The following HSPBAP1 variants were observed in gnomAD, a reference collection of about 807,000 sequenced individuals.
The protein encoded by HSPBAP1 is HSPB1-associated protein 1.
In HSPBAP1, 27 loss-of-function variants were observed where a neutral mutation model predicts 45.2. The ratio of observed to expected loss-of-function variants is 0.60; its 90% CI spans 0.44 to 0.82. The LOEUF is 0.82. Among genes scored for constraint, HSPBAP1 ranks in the 40% least tolerant of loss-of-function variants. HSPBAP1 has a pLI of 0.00. For missense variants in HSPBAP1, 510 were observed against 590.9 expected (o/e 0.86, Z 1.42); for synonymous variants, 204 against 202.7 (o/e 1.01, Z -0.06).
intron 1 of HSPBAP1, among the ~76,000 whole-genome samples, chr3:122,792,800 G>A (rs1935874248): frequency 6.6e-6 from 1 of 151,936 alleles, no homozygotes; most frequent in South Asian, 2.1e-4. Flanking sequence ...GAACCTGGGA[G>A]GTGGAGGTTG....
chr3:122,759,474 GA>G, intron 3 of HSPBAP1, 114 bp from the exon 4 acceptor site: 1 of 1,153,100 alleles, frequency 8.7e-7, no homozygotes, highest in Non-Finnish European at 1.2e-6. Context: ...TTCTATTATG[GA>G]AAATGCTACA....
chr3:122,784,350 CAAAT>C (rs1257213368), intron 1 of HSPBAP1, among the ~76,000 whole-genome samples: 2 of 152,138 alleles, frequency 1.3e-5, no homozygotes, highest in Non-Finnish European at 2.9e-5. Context: ...TTTACTGTAA[CAAAT>C]AATTAATCAT....
chr3:122,759,367 T>A lies in HSPBAP1; in HGVS notation c.433-7A>T. ...AGTCAGACCATTTCACATCCTGTTT[T>A]GAAATAAAGTTGCAATCCATCAAGA... On this transcript the variant is annotated splice_region_variant and splice_polypyrimidine_tract_variant and intron_variant, in intron 3 of 7. Transcript: ENST00000306103. 1 of 1,611,360 alleles carries A rather than the reference T, an allele frequency of 6.2e-7. No individual in the cohort carries two copies. The highest frequency in any genetic ancestry group is 1.1e-5 in the South Asian group (1 of 91,036).
At chr3:122,762,411 T>A (rs1934624897) in intron 3 of HSPBAP1, among the ~76,000 whole-genome samples, 1 of 152,018 alleles carries the variant, frequency 6.6e-6, no homozygotes, top group African/African-American at 2.4e-5. Flanking sequence ...AGAACCTGTA[T>A]CCATGGAATT....
At chr3:122,759,568 C>A (rs2107513501) in intron 3 of HSPBAP1, among the ~76,000 whole-genome samples, 1 of 152,298 alleles carries the variant, frequency 6.6e-6, no homozygotes. Flanking sequence ...TAATAGTAAT[C>A]ATTCAACAAA....
intron 4 of HSPBAP1, among the ~76,000 whole-genome samples, chr3:122,757,740 C>G (rs1934405595): frequency 6.6e-6 from 1 of 152,184 alleles, no homozygotes; most frequent in African/African-American, 2.4e-5. Context: ...TGTCTTATTA[C>G]AAAGTTAAAA....
intron 6 of HSPBAP1, among the ~76,000 whole-genome samples, chr3:122,749,671 C>T (rs553588718): frequency 3.3e-5 from 5 of 152,148 alleles, no homozygotes; most frequent in East Asian, 3.9e-4. Flanking sequence ...TGCAATGGCG[C>T]GATCTCAGCT....
At chr3:122,790,483 T>C (rs1935790757) in intron 1 of HSPBAP1, among the ~76,000 whole-genome samples, 1 of 152,222 alleles carries the variant, frequency 6.6e-6, no homozygotes, top group South Asian at 2.1e-4. Context: ...ATGTGTATCA[T>C]ATTGAGTATC....
intron 6 of HSPBAP1, among the ~76,000 whole-genome samples, chr3:122,745,323 A>G (rs971063173): frequency 1.3e-5 from 2 of 152,186 alleles, no homozygotes; most frequent in Non-Finnish European, 2.9e-5. Flanking sequence ...ACAAAAATCA[A>G]TAGCTATCAT....
At chr3:122,757,012 C>G (rs1024377189) in intron 4 of HSPBAP1, among the ~76,000 whole-genome samples, 2 of 152,178 alleles carry the variant, frequency 1.3e-5, no homozygotes, top group South Asian at 2.1e-4. Flanking sequence ...GGATTCAGAG[C>G]TAGGTCACAG....
At chr3:122,750,486 A>G (rs915348867) in intron 6 of HSPBAP1, among the ~76,000 whole-genome samples, 1 of 151,866 alleles carries the variant, frequency 6.6e-6, no homozygotes, top group Admixed American at 6.6e-5. Context: ...TATTTTTTAA[A>G]CACATGAATT....
At chr3:122,793,541 G>C (rs1560179903) in intron 1 of HSPBAP1, 76 bp downstream of exon 1, 9 of 1,332,018 alleles carry the variant, frequency 6.8e-6, no homozygotes, top group Non-Finnish European at 8.6e-6. Context: ...TAAGGCAAAC[G>C]GCCCCACGAG....
chr3:122,760,516 A>G (rs911723314), intron 3 of HSPBAP1, among the ~76,000 whole-genome samples: 1 of 149,880 alleles, frequency 6.7e-6, no homozygotes, highest in Non-Finnish European at 1.5e-5. Flanking sequence ...AATTTAATGG[A>G]TGGTTTTGAG....
At chr3:122,761,691 AAGGG>A (rs1210893825) in intron 3 of HSPBAP1, 1 of 148,840 alleles carries the variant, frequency 6.7e-6, no homozygotes, top group Non-Finnish European at 1.5e-5. Flanking sequence ...GGAGGCTGAG[AAGGG>A]AGGATCACTT....
chr3:122,746,864 G>T (rs907604217), intron 6 of HSPBAP1, among the ~76,000 whole-genome samples: 1 of 151,930 alleles, frequency 6.6e-6, no homozygotes, highest in Non-Finnish European at 1.5e-5. Context: ...TGTGTTGGCC[G>T]TGCTGGTCTC....
intron 1 of HSPBAP1, among the ~76,000 whole-genome samples, chr3:122,790,528 T>A (rs1014033772): frequency 1.3e-5 from 2 of 152,240 alleles, no homozygotes; most frequent in Non-Finnish European, 2.9e-5. Flanking sequence ...CTTTAGGATA[T>A]GTCTTATACT....
chr3:122,772,546 A>G (rs558040741), intron 2 of HSPBAP1, among the ~76,000 whole-genome samples: 1 of 152,294 alleles, frequency 6.6e-6, no homozygotes, highest in African/African-American at 2.4e-5. Context: ...ATAAATATTC[A>G]GTAAATGGTA....
intron 6 of HSPBAP1, among the ~76,000 whole-genome samples, chr3:122,744,741 A>C (rs1191333132): frequency 6.6e-6 from 1 of 152,246 alleles, no homozygotes; most frequent in Non-Finnish European, 1.5e-5. Flanking sequence ...AATAGTATAT[A>C]ATAAGCCTTT....
chr3:122,775,795 T>C (rs1285911092), intron 2 of HSPBAP1, among the ~76,000 whole-genome samples: 1 of 152,216 alleles, frequency 6.6e-6, no homozygotes, highest in African/African-American at 2.4e-5. Flanking sequence ...TGAAAATACA[T>C]GTCCACACAA....
Sources: allele counts gnomAD v4.1 joint callset (sites outside exome capture counted in the v4.1 genomes callset), GRCh38; gene constraint gnomAD v4.1.1; transcripts MANE v1.5; gene names NCBI Gene and HGNC (gene_info 2026-07-23, HGNC 2026-07-21).